The following TMEM134 variants were observed in gnomAD, a reference collection of about 807,000 sequenced individuals.
TMEM134 encodes transmembrane protein 134.
In TMEM134, 36 loss-of-function variants were observed where a neutral mutation model predicts 26.2. The ratio of observed to expected loss-of-function variants is 1.37; its 90% CI spans 1.05 to 1.81. TMEM134 has a LOEUF of 1.81. Ranked by LOEUF, TMEM134 falls within the 40% of genes most tolerant of loss-of-function variation. The probability of loss-of-function intolerance (pLI) is 0.00; values close to 1 mark genes in which losing one functional copy is unlikely to be tolerated. For missense variants in TMEM134, 339 were observed against 263.5 expected (o/e 1.29, Z -1.98); for synonymous variants, 133 against 113.6 (o/e 1.17, Z -1.08).
rs1309476320 is a variant in TMEM134 at position 67,462,162 on chromosome 11, G to A, written c.*2452C>T. On this transcript the variant is annotated 3_prime_UTR_variant, in exon 7 of 7. Coordinates refer to ENST00000308022, the MANE Select transcript of TMEM134 (RefSeq NM_025124.4). ...TCCAGCCTGGGAGACAGTGAGACTC[G>A]TCTCAAAAAAAAAACAAAAAAAAAA... is the stretch of plus-strand genomic sequence containing the variant. The A allele has an allele frequency of 4.4e-5, 5 of 112,568 alleles. No individual in the cohort carries two copies. Among genetic ancestry groups the A allele is most frequent in the South Asian group, 5.2e-4 (2 of 3,826 alleles). The allele number at this position is 112,568 out of a possible 1,614,324, so 7.0% of individuals were successfully genotyped here.
In TMEM134 at chr11:67,464,872, G is replaced by A; in HGVS notation, c.452-16C>T. The A allele has an allele frequency of 3.7e-6, 6 of 1,609,960 alleles. No homozygotes were observed. The highest frequency in any genetic ancestry group is 2.2e-5 in the South Asian group (2 of 90,864). ...CTGGAGACACCTGCGGGAGGGACCA[G>A]AGCCCGGTCAGGGCGAGGGGGCGGA... is the stretch of plus-strand genomic sequence containing the variant. On this transcript the variant is annotated splice_polypyrimidine_tract_variant and intron_variant, in intron 5 of 6. Coordinates refer to ENST00000308022, the MANE Select transcript of TMEM134 (RefSeq NM_025124.4).
intron 1 of TMEM134, 34 bp downstream of exon 1, chr11:67,468,985 G>C: frequency 6.9e-7 from 1 of 1,439,748 alleles, no homozygotes; most frequent in East Asian, 3.0e-5. Flanking sequence ...CCGTCCGGCC[G>C]GGGGCAGGGG....
chr11:67,464,615 C>A lies in TMEM134; in HGVS notation c.587G>T (p.Ter196LeuextTer129), dbSNP rs1865118383. ...CAAGGGGTCCACGCTGCGCCGCGAT[C>A]ACTTCTCGAAGTAGGGCAGGTAGAA... Reference protein sequence around the residue: ...QFFYLPYFEK* With the variant: ...QFFYLPYFEKL Residue 196 changes from the stop codon to leucine, a stop_lost, in exon 7 of 7, where the codon TGA (stop) becomes TTA (leucine). Transcript: ENST00000308022. 8.4e-6 allele frequency: 13 copies of A among 1,552,116 alleles called. No homozygotes were observed. Among genetic ancestry groups the A allele is most frequent in the Non-Finnish European group, 1.1e-5 (13 of 1,147,182 alleles).
At chr11:67,465,236 C>T (rs1865179651) in intron 4 of TMEM134, 136 bp from the exon 5 acceptor site, 1 of 1,524,412 alleles carries the variant, frequency 6.6e-7, no homozygotes, top group Non-Finnish European at 8.8e-7. Flanking sequence ...GCTCACCAAG[C>T]TCTGTTTCCA....
intron 5 of TMEM134, 22 bp from the exon 6 acceptor site, chr11:67,464,878 G>C (rs753227013): frequency 1.2e-6 from 2 of 1,609,192 alleles, no homozygotes; most frequent in South Asian, 1.1e-5. Context: ...ACCAGAGCCC[G>C]GTCAGGGCGA....
intron 1 of TMEM134, 174 bp from the exon 2 acceptor site, chr11:67,468,266 G>A: frequency 3.2e-6 from 2 of 625,916 alleles, no homozygotes; most frequent in Non-Finnish European, 5.7e-6. Context: ...AACCAGGTAG[G>A]AGGTGGGTGG....
intron 2 of TMEM134, 192 bp downstream of exon 2, chr11:67,467,836 T>A: frequency 1.5e-6 from 1 of 660,098 alleles, no homozygotes; most frequent in Non-Finnish European, 2.6e-6. Context: ...CTGAAAGAGG[T>A]GAGTACAGCT....
chr11:67,465,035 G>A (rs1252400024), intron 5 of TMEM134, 21 bp downstream of exon 5: 1 of 1,555,336 alleles, frequency 6.4e-7, no homozygotes, highest in African/African-American at 1.4e-5. Flanking sequence ...CTCTGCCTGT[G>A]GGGGCGGGAG....
chr11:67,468,167 C>T (rs879117641), intron 1 of TMEM134, 75 bp from the exon 2 acceptor site: 2 of 1,380,868 alleles, frequency 1.4e-6, no homozygotes, highest in South Asian at 2.5e-5. Flanking sequence ...AAGAGAAAAG[C>T]AGGCCTACAC....
chr11:67,465,319 T>C, intron 4 of TMEM134: 1 of 1,329,796 alleles, frequency 7.5e-7, no homozygotes, highest in Non-Finnish European at 9.8e-7. Context: ...GGGTGGGCTT[T>C]TAGTCATTCA....
In TMEM134 at chr11:67,467,335, AAGG is replaced by A. The variant is rs1175737642; in HGVS notation, c.380_382del (p.Ser127del). On this transcript the variant is annotated inframe_deletion, in exon 4 of 7. Transcript: ENST00000308022. ...ACCCAGCCCCAGCAGCAGGAGCAGG[AAGG>A]AGGCCAGCACCACTCGGCGGTTCTT... The A allele has an allele frequency of 6.2e-7, 1 of 1,613,826 alleles. No homozygotes were observed. The highest frequency in any genetic ancestry group is 1.3e-5 in the African/African-American group (1 of 74,930).
At chr11:67,467,231 A>AG in intron 4 of TMEM134, 81 bp downstream of exon 4, 1 of 1,364,434 alleles carries the variant, frequency 7.3e-7, no homozygotes, top group South Asian at 1.2e-5. Flanking sequence ...CTCAGTGTCA[A>AG]GGGGGAGGCA....
At position 67,469,039 on chromosome 11, in the gene TMEM134, G is replaced by A; in HGVS notation, c.154C>T (p.Gln52Ter). The change falls in exon 1 of 7, where the codon CAG (glutamine) becomes TAG (stop). Residue 52 changes from glutamine to a stop codon, truncating the protein, a stop_gained. Transcript: ENST00000308022. LOFTEE classifies it high-confidence loss of function. ...ARFEVADEDK[Q>*]SRLRYQNLEN... is the part of the protein sequence containing the mutation. Reference sequence around the variant, plus strand: ...TTCACCTGGTAGCGCAGCCGGGACTGCTTGTCCTCGTCAGCCACCTCGAAC... The same window carrying A: ...TTCACCTGGTAGCGCAGCCGGGACTACTTGTCCTCGTCAGCCACCTCGAAC... The A allele has an allele frequency of 1.3e-6, 2 of 1,513,936 alleles. No individual in the cohort carries two copies. Among genetic ancestry groups the A allele is most frequent in the South Asian group, 2.4e-5 (2 of 82,384 alleles). 93.8% of individuals were successfully genotyped at this position (1,513,936 alleles called of 1,614,324 possible). A position where few individuals can be genotyped will look rare whatever the true frequency, so the allele number is the denominator to read the frequency against.
chr11:67,465,052 T>C lies in TMEM134; in HGVS notation c.451+4A>G, dbSNP rs1351616247. 1 of 1,578,016 alleles carries C rather than the reference T, an allele frequency of 6.3e-7. No individual in the cohort carries two copies. Among genetic ancestry groups the C allele is most frequent in the Non-Finnish European group, 8.6e-7 (1 of 1,166,218 alleles). On this transcript the variant is annotated splice_donor_region_variant and intron_variant, in intron 5 of 6. Coordinates refer to ENST00000308022, the MANE Select transcript of TMEM134 (RefSeq NM_025124.4). ...CTGCCTGTGGGGGCGGGAGGGTCGC[T>C]CACCTGGAGAGGGGGTCGCCTCCAG...
Position 67,464,685 on chromosome 11 carries a change from T to G in TMEM134, c.517A>C (p.Ile173Leu). ...CCCTTGACCGCGCAGTAGATGAAGA[T>G]CACGTGATAGACTGCGGGGCGGGGC... ...LLLVPGVYHV[I>L]FIYCAVKGHR... is the part of the protein sequence containing the mutation. The change falls in exon 7 of 7, where the codon ATC (isoleucine) becomes CTC (leucine). Residue 173 changes from isoleucine to leucine, a missense_variant. By Grantham distance (5) the Ile-to-Leu change is conservative. Coordinates refer to ENST00000308022, the MANE Select transcript of TMEM134 (RefSeq NM_025124.4). 1 of 1,553,342 alleles carries G rather than the reference T, an allele frequency of 6.4e-7. No individual in the cohort carries two copies. Among genetic ancestry groups the G allele is most frequent in the Non-Finnish European group, 8.7e-7 (1 of 1,147,884 alleles).
At position 67,463,447 on chromosome 11, in the gene TMEM134, C is replaced by G. The variant is rs993660170; in HGVS notation, c.*1167G>C. The G allele has an allele frequency of 6.6e-5, 10 of 152,282 alleles. No homozygotes were observed. The highest frequency in any genetic ancestry group is 2.4e-4 in the African/African-American group (10 of 41,452). The allele number at this position is 152,282 out of a possible 1,614,324, so 9.4% of individuals were successfully genotyped here. ...CCTAATTCTACCTACCACCTGCTGG[C>G]TGTCCTTGGGTGAGTCAGTCCTTAT... On this transcript the variant is annotated 3_prime_UTR_variant, in exon 7 of 7. Transcript: ENST00000308022.
rs1865170555 is a variant in TMEM134 at position 67,465,126 on chromosome 11, TG to T, written c.407-27del. On this transcript the variant is annotated intron_variant, in intron 4 of 6. Transcript: ENST00000308022. ...CTGCACACAGACGGAGCCGCGGGGG[TG>T]GGGGCAGGAGCAGTGGTGAGGGCGG... 2.6e-6 allele frequency: 4 copies of T among 1,554,074 alleles called. No homozygotes were observed. The South Asian group carries it at 3.5e-5, about 14-fold the overall frequency.
At chr11:67,465,154 G>C (rs1340361825) in intron 4 of TMEM134, 54 bp from the exon 5 acceptor site, 1 of 1,538,606 alleles carries the variant, frequency 6.5e-7, no homozygotes, top group South Asian at 1.2e-5. Flanking sequence ...TGAGGGCGGG[G>C]GCTCCCACCC....
Position 67,463,530 on chromosome 11 carries a change from A to AG in TMEM134, c.*1083dup, listed in dbSNP as rs1865077301. 6.6e-6 allele frequency: 1 copy of AG among 151,156 alleles called. No individual in the cohort carries two copies. Among genetic ancestry groups the AG allele is most frequent in the African/African-American group, 2.4e-5 (1 of 40,830 alleles). 9.4% of individuals were successfully genotyped at this position (151,156 alleles called of 1,614,324 possible). Reference sequence around the variant, plus strand: ...AAGATATAACCCGTGTTCAGTGCTTAGCGCAGGGCCTAGTATATTTTCTTT... The same window carrying AG: ...AAGATATAACCCGTGTTCAGTGCTTAGGCGCAGGGCCTAGTATATTTTCTTT... On this transcript the variant is annotated 3_prime_UTR_variant, in exon 7 of 7. Transcript: ENST00000308022.
Sources: gnomAD v4.1 joint callset for allele counts on GRCh38, gnomAD v4.1.1 for gene constraint, MANE v1.5 for transcripts, NCBI Gene and HGNC (gene_info 2026-07-23, HGNC 2026-07-21) for gene names.